Variants in ARHGAP19 observed in about 807,000 individuals in gnomAD.
The protein encoded by ARHGAP19 is rho GTPase-activating protein 19.
ARHGAP19 carries 48 observed loss-of-function variants against 60.9 expected under a neutral mutation model. The ratio of observed to expected loss-of-function variants is 0.79; its 90% CI spans 0.62 to 1.00. ARHGAP19 has a LOEUF of 1.00. Among genes scored for constraint, ARHGAP19 ranks in the 50% least tolerant of loss-of-function variants. The probability of loss-of-function intolerance (pLI) is 0.00; values close to 1 mark genes in which losing one functional copy is unlikely to be tolerated. For missense variants in ARHGAP19, 562 were observed against 597.2 expected (o/e 0.94, Z 0.61); for synonymous variants, 209 against 215.5 (o/e 0.97, Z 0.27).
chr10:97,258,975 C>T (rs769031233), intron 5 of ARHGAP19, among the ~76,000 whole-genome samples: 1 of 152,168 alleles, frequency 6.6e-6, no homozygotes, highest in Non-Finnish European at 1.5e-5. Flanking sequence ...CTCCAAGTGT[C>T]ATCTCATCTA....
chr10:97,226,588 A>C (rs1468239527), intron 11 of ARHGAP19, among the ~76,000 whole-genome samples: 3 of 152,232 alleles, frequency 2.0e-5, no homozygotes, highest in Non-Finnish European at 4.4e-5. Context: ...ATGTTTACTA[A>C]AAGCCGACTC....
chr10:97,289,154 G>A (rs370636911), intron 1 of ARHGAP19, among the ~76,000 whole-genome samples: 8 of 142,642 alleles, frequency 5.6e-5, no homozygotes, highest in South Asian at 2.2e-4. Flanking sequence ...TCGCTCTGTC[G>A]CCCAGGCTGG....
Position 97,256,372 on chromosome 10 carries a change from T to C in ARHGAP19, c.873A>G (p.Thr291=), listed in dbSNP as rs1397094340. ...VTANDLQENI[T]KLNSGMAFMI... Reference sequence around the variant, plus strand: ...TAAAAGCCATCCCACTGTTTAACTTTGTGATATTCTCCTGAAGGTCATTTG... The same window carrying C: ...TAAAAGCCATCCCACTGTTTAACTTCGTGATATTCTCCTGAAGGTCATTTG... The change falls in exon 6 of 12, where the codon ACA becomes ACG. Residue 291 remains threonine (T), a synonymous_variant. Transcript: ENST00000358531. 2.5e-6 allele frequency: 4 copies of C among 1,614,022 alleles called. 1 individual carries two copies. The Admixed American group carries it at 5.0e-5, about 20-fold the overall frequency.
At position 97,266,116 on chromosome 10, in the gene ARHGAP19, G is replaced by C. The variant is rs1187537755; in HGVS notation, c.66C>G (p.Ile22Met). 6 of 1,613,758 alleles carry C rather than the reference G, an allele frequency of 3.7e-6. No individual in the cohort carries two copies. Among genetic ancestry groups the C allele is most frequent in the Non-Finnish European group, 5.1e-6 (6 of 1,179,828 alleles). ...AATCATTGCAGATCACAAAACTGCA[G>C]ATGGCATCACTGAAAAACACAGAAG... is the stretch of plus-strand genomic sequence containing the variant. ...PARESGRSDA[I>M]CSFVICNDSS... Residue 22 changes from isoleucine to methionine, a missense_variant, in exon 2 of 12, where the codon ATC (isoleucine) becomes ATG (methionine). Physicochemically the swap from Ile to Met is conservative, Grantham distance 10. Coordinates refer to ENST00000358531, the MANE Select transcript of ARHGAP19 (RefSeq NM_032900.6).
intron 1 of ARHGAP19, among the ~76,000 whole-genome samples, chr10:97,290,241 G>C (rs562280283): frequency 6.6e-6 from 1 of 152,110 alleles, no homozygotes; most frequent in Admixed American, 6.6e-5. Flanking sequence ...GCTGTTTGCC[G>C]CTGTCGCAGA....
At chr10:97,239,698 T>C (rs988346603) in intron 8 of ARHGAP19, among the ~76,000 whole-genome samples, 5 of 151,626 alleles carry the variant, frequency 3.3e-5, no homozygotes, top group Non-Finnish European at 7.4e-5. Context: ...GTAAGTAATG[T>C]ACCAATTTTT....
At chr10:97,255,447 T>A (rs941875985) in intron 6 of ARHGAP19, among the ~76,000 whole-genome samples, 1 of 152,094 alleles carries the variant, frequency 6.6e-6, no homozygotes, top group East Asian at 1.9e-4. Context: ...CGTGGCAGTG[T>A]ATGCCTGTGG....
intron 1 of ARHGAP19, among the ~76,000 whole-genome samples, chr10:97,278,901 G>A (rs545020484): frequency 6.6e-6 from 1 of 151,960 alleles, no homozygotes; most frequent in African/African-American, 2.4e-5. Context: ...TTCCTCCCTG[G>A]TGAATTGCCT....
Position 97,259,516 on chromosome 10 carries a change from C to A in ARHGAP19, c.726G>T (p.Leu242Phe). The A allele has an allele frequency of 6.2e-7, 1 of 1,614,154 alleles. No homozygotes were observed. The highest frequency in any genetic ancestry group is 1.7e-5 in the Admixed American group (1 of 60,022). ...ATAGGAGATCAAGCAATAACTTCAG[C>A]AAATTACGATTAGGAGGAGGGAGAA... is the stretch of plus-strand genomic sequence containing the variant. ...FLILPPPNRN[L>F]LKLLLDLLYQ... Residue 242 changes from leucine to phenylalanine, a missense_variant, in exon 5 of 12, where the codon TTG becomes TTT. Physicochemically the swap from Leu to Phe is conservative, Grantham distance 22. Coordinates refer to ENST00000358531, the MANE Select transcript of ARHGAP19 (RefSeq NM_032900.6).
At chr10:97,255,862 C>A (rs1842746417) in intron 6 of ARHGAP19, among the ~76,000 whole-genome samples, 4 of 151,972 alleles carry the variant, frequency 2.6e-5, no homozygotes, top group Admixed American at 2.6e-4. Context: ...GTATATGTGG[C>A]CTTTGTCTAA....
At chr10:97,278,166 T>C (rs1589379778) in intron 1 of ARHGAP19, 2 of 153,342 alleles carry the variant, frequency 1.3e-5, no homozygotes, top group South Asian at 4.1e-4. Context: ...CAAAATACTA[T>C]CTTTCAAGAT....
intron 8 of ARHGAP19, among the ~76,000 whole-genome samples, chr10:97,238,517 C>G (rs932172661): frequency 2.0e-5 from 3 of 152,200 alleles, no homozygotes; most frequent in African/African-American, 7.2e-5. Flanking sequence ...CACGCCCAGC[C>G]TGTGTCTTAA....
At chr10:97,287,791 G>A (rs928421206) in intron 1 of ARHGAP19, among the ~76,000 whole-genome samples, 3 of 151,540 alleles carry the variant, frequency 2.0e-5, no homozygotes, top group Non-Finnish European at 4.4e-5. Context: ...GGCTGGGTGC[G>A]GTGGCTCACG....
intron 6 of ARHGAP19, 43 bp from the exon 7 acceptor site, chr10:97,246,380 G>A: frequency 6.8e-7 from 1 of 1,468,188 alleles, no homozygotes; most frequent in Non-Finnish European, 9.5e-7. Flanking sequence ...GTGATTAGTA[G>A]AATATAACAT....
At chr10:97,235,058 G>A (rs937718530) in intron 9 of ARHGAP19, among the ~76,000 whole-genome samples, 159 bp downstream of exon 9, 9 of 152,100 alleles carry the variant, frequency 5.9e-5, no homozygotes, top group Admixed American at 6.5e-5. Context: ...AAAGCACTTT[G>A]CAATATAAAA....
chr10:97,249,043 T>C (rs1174208314), intron 6 of ARHGAP19, among the ~76,000 whole-genome samples: 1 of 152,072 alleles, frequency 6.6e-6, no homozygotes. Context: ...ATATCAACAT[T>C]ATAAGTAAAA....
chr10:97,257,477 A>ACAAGGTCT (rs935899123), intron 5 of ARHGAP19, among the ~76,000 whole-genome samples: 1 of 151,722 alleles, frequency 6.6e-6, no homozygotes, highest in Non-Finnish European at 1.5e-5. Context: ...TTTTGTAGAG[A>ACAAGGTCT]CAAGGTCTCA....
chr10:97,264,099 C>T (rs80137574), intron 3 of ARHGAP19, among the ~76,000 whole-genome samples: 6,890 of 152,184 alleles, frequency 0.045, 260 homozygotes, highest in African/African-American at 0.1. Flanking sequence ...GGAATTAGAA[C>T]TCTAATGTGT....
chr10:97,237,287 G>T (rs1424466961), intron 8 of ARHGAP19, among the ~76,000 whole-genome samples: 1 of 140,486 alleles, frequency 7.1e-6, no homozygotes, highest in East Asian at 2.1e-4. Context: ...AAAAAACTCA[G>T]TCTACGGAAA....
Sources: gnomAD v4.1 joint callset for allele counts (sites outside exome capture counted in the v4.1 genomes callset) on GRCh38, gnomAD v4.1.1 for gene constraint, MANE v1.5 for transcripts, NCBI Gene and HGNC (gene_info 2026-07-23, HGNC 2026-07-21) for gene names.